MYO3B: variants seen among roughly 807,000 people sequenced by gnomAD.
MYO3B encodes myosin-IIIb.
In MYO3B, 156 loss-of-function variants were observed where a neutral mutation model predicts 174.6. The observed-to-expected ratio is 0.89, with a 90% CI of 0.78 to 1.02. MYO3B has a LOEUF of 1.02. Ranked by LOEUF, MYO3B falls within the 50% of genes least tolerant of loss-of-function variation. The pLI, the probability that MYO3B is intolerant of heterozygous loss-of-function variation, is 0.00. For synonymous variants in MYO3B, 563 were observed against 569.1 expected, an observed-to-expected ratio of 0.99 and a Z score of 0.15; for missense variants, 1,632 against 1,639.4, an observed-to-expected ratio of 1.00 and a Z score of 0.08.
intron 32 of MYO3B, among the ~76,000 whole-genome samples, chr2:170,574,209 A>G (rs1269293246): frequency 6.6e-6 from 1 of 152,210 alleles, no homozygotes; most frequent in Non-Finnish European, 1.5e-5. Flanking sequence ...AAATGTGACC[A>G]TCTTGATGAT....
intron 7 of MYO3B, among the ~76,000 whole-genome samples, chr2:170,243,895 T>A (rs576926365): frequency 2.0e-5 from 3 of 152,314 alleles, no homozygotes; most frequent in Admixed American, 2.0e-4. Context: ...GACTCTGCCA[T>A]TAGTATCCAT....
intron 7 of MYO3B, among the ~76,000 whole-genome samples, chr2:170,312,604 A>G (rs1391032035): frequency 6.6e-6 from 1 of 152,272 alleles, no homozygotes; most frequent in Non-Finnish European, 1.5e-5. Context: ...GGCAAATGCC[A>G]TCAAAGTGAA....
intron 32 of MYO3B, among the ~76,000 whole-genome samples, chr2:170,612,976 C>T (rs750165263): frequency 5.3e-5 from 8 of 152,226 alleles, no homozygotes; most frequent in Middle Eastern, 3.4e-3. Flanking sequence ...GAGGCCTACG[C>T]GGAGCACTGG....
intron 25 of MYO3B, among the ~76,000 whole-genome samples, chr2:170,477,095 T>C (rs1386465921): frequency 6.6e-6 from 1 of 152,224 alleles, no homozygotes; most frequent in Non-Finnish European, 1.5e-5. Context: ...TTTCCATAAC[T>C]GGTCTCAACT....
At chr2:170,556,327 C>G (rs1691289506) in intron 32 of MYO3B, among the ~76,000 whole-genome samples, 1 of 152,004 alleles carries the variant, frequency 6.6e-6, no homozygotes, top group Non-Finnish European at 1.5e-5. Context: ...GTGGATGTAA[C>G]TTTTTAATTC....
At chr2:170,447,565 A>C (rs191222710) in intron 23 of MYO3B, among the ~76,000 whole-genome samples, 1 of 152,212 alleles carries the variant, frequency 6.6e-6, no homozygotes, top group Non-Finnish European at 1.5e-5. Context: ...AAATGAGGCA[A>C]ATCTTTTTAC....
chr2:170,201,123 C>G (rs972501312), intron 3 of MYO3B, among the ~76,000 whole-genome samples: 1 of 152,296 alleles, frequency 6.6e-6, no homozygotes, highest in South Asian at 2.1e-4. Flanking sequence ...ACACAATTCT[C>G]AGAGTCAGTT....
At chr2:170,576,469 C>T (rs1443486587) in intron 32 of MYO3B, among the ~76,000 whole-genome samples, 1 of 152,222 alleles carries the variant, frequency 6.6e-6, no homozygotes, top group African/African-American at 2.4e-5. Context: ...GCAAGTCCCT[C>T]TTCTCCCTCG....
intron 32 of MYO3B, among the ~76,000 whole-genome samples, chr2:170,618,881 T>G (rs1180852301): frequency 6.6e-6 from 1 of 152,190 alleles, no homozygotes; most frequent in Non-Finnish European, 1.5e-5. Context: ...CATAGAGAGA[T>G]AAGAATTTAC....
At chr2:170,237,546 G>C (rs534917288) in intron 7 of MYO3B, among the ~76,000 whole-genome samples, 2 of 151,244 alleles carry the variant, frequency 1.3e-5, no homozygotes, top group African/African-American at 2.4e-5. Flanking sequence ...GGGGGAGGGG[G>C]GTGTATATGT....
At chr2:170,461,828 A>G (rs974696717) in intron 23 of MYO3B, among the ~76,000 whole-genome samples, 7 of 151,568 alleles carry the variant, frequency 4.6e-5, no homozygotes, top group African/African-American at 1.2e-4. Context: ...GTGTGTATGT[A>G]TATGTATGGA....
intron 22 of MYO3B, among the ~76,000 whole-genome samples, chr2:170,422,069 A>G (rs1412701271): frequency 6.6e-6 from 1 of 152,202 alleles, no homozygotes; most frequent in Non-Finnish European, 1.5e-5. Flanking sequence ...TAAAGTTCTG[A>G]GCAGCTTCCA....
At chr2:170,326,559 G>A (rs1357962457) in intron 7 of MYO3B, among the ~76,000 whole-genome samples, 2 of 151,898 alleles carry the variant, frequency 1.3e-5, no homozygotes, top group African/African-American at 2.4e-5. Flanking sequence ...CTCAGACAAC[G>A]AGCCACACAC....
chr2:170,508,862 ACTC>A (rs1687784274), intron 28 of MYO3B, among the ~76,000 whole-genome samples: 1 of 152,116 alleles, frequency 6.6e-6, no homozygotes, highest in Non-Finnish European at 1.5e-5. Context: ...GTAAAATGGG[ACTC>A]ATTAAGGCCT....
intron 7 of MYO3B, among the ~76,000 whole-genome samples, chr2:170,275,856 C>T (rs1232200620): frequency 2.0e-5 from 3 of 151,894 alleles, no homozygotes; most frequent in African/African-American, 7.3e-5. Context: ...CAGAAAAAAA[C>T]AAAATAAAAA....
In MYO3B at chr2:170,429,845, T is replaced by G. The variant is rs146591084; in HGVS notation, c.2651-14122T>G. Reference sequence around the variant, plus strand: ...CCCTTGTGTCACTTTATTCAGAGATTTATTCTAACACTCACCAGTTTCAAT... The same window carrying G: ...CCCTTGTGTCACTTTATTCAGAGATGTATTCTAACACTCACCAGTTTCAAT... On this transcript the variant is annotated intron_variant, in intron 22 of 34. Transcript: ENST00000408978. 4.8e-3 allele frequency among the ~76,000 whole-genome samples: 728 copies of G among 152,288 alleles called. 5 individuals are homozygous for G. Among genetic ancestry groups the G allele is most frequent in the African/African-American group, 0.016 (682 of 41,552 alleles).
chr2:170,277,240 G>T (rs1179035213), intron 7 of MYO3B, among the ~76,000 whole-genome samples: 1 of 152,186 alleles, frequency 6.6e-6, no homozygotes, highest in Non-Finnish European at 1.5e-5. Context: ...ATCTGTACTA[G>T]TGATTGTTAT....
At chr2:170,594,795 G>T (rs193286370) in intron 32 of MYO3B, among the ~76,000 whole-genome samples, 247 of 151,140 alleles carry the variant, frequency 1.6e-3, no homozygotes, top group African/African-American at 5.6e-3. Context: ...GTTCCAATCT[G>T]CCCAATGAGT....
intron 9 of MYO3B, among the ~76,000 whole-genome samples, chr2:170,380,479 T>C (rs1054439018): frequency 6.6e-6 from 1 of 152,232 alleles, no homozygotes; most frequent in Non-Finnish European, 1.5e-5. Flanking sequence ...AGGGATTTGC[T>C]GAGTGTCTCA....
Sources: gnomAD v4.1 joint callset for allele counts (sites outside exome capture counted in the v4.1 genomes callset) on GRCh38, gnomAD v4.1.1 for gene constraint, MANE v1.5 for transcripts, NCBI Gene and HGNC (gene_info 2026-07-23, HGNC 2026-07-21) for gene names.